WWOX: variants seen among roughly 807,000 people sequenced by gnomAD.
WWOX encodes the protein WW domain containing oxidoreductase, also known as WW domain-containing oxidoreductase.
WWOX carries 69 observed loss-of-function variants against 46.2 expected under a neutral mutation model. The observed-to-expected ratio is 1.49, with a 90% CI of 1.23 to 1.82. WWOX has a LOEUF of 1.82. Ranked by LOEUF, WWOX falls within the 40% of genes most tolerant of loss-of-function variation. The probability of loss-of-function intolerance (pLI) is 0.00; values close to 1 mark genes in which losing one functional copy is unlikely to be tolerated. For missense variants in WWOX, 919 were observed against 542.6 expected (o/e 1.69, Z -6.89); for synonymous variants, 359 against 202.6 (o/e 1.77, Z -6.56).
chr16:78,301,594 C>G (rs1170251415), intron 5 of WWOX, among the ~76,000 whole-genome samples: 1 of 152,036 alleles, frequency 6.6e-6, no homozygotes, highest in Non-Finnish European at 1.5e-5. Flanking sequence ...CTCTGTTTAT[C>G]TCTAACAGAA....
intron 8 of WWOX, among the ~76,000 whole-genome samples, chr16:78,561,866 T>A (rs1028880740): frequency 6.6e-6 from 1 of 152,176 alleles, no homozygotes; most frequent in Non-Finnish European, 1.5e-5. Flanking sequence ...TTGAAAATAG[T>A]TGGTCTCTTG....
chr16:78,478,962 G>T (rs1171782293), intron 8 of WWOX, among the ~76,000 whole-genome samples: 1 of 151,092 alleles, frequency 6.6e-6, no homozygotes, highest in Non-Finnish European at 1.5e-5. Context: ...CTTTGATTTT[G>T]TCATTCTGTA....
chr16:78,809,398 A>G (rs1332373347), intron 8 of WWOX, among the ~76,000 whole-genome samples: 1 of 151,466 alleles, frequency 6.6e-6, no homozygotes, highest in African/African-American at 2.4e-5. Flanking sequence ...ATTATATTTG[A>G]TATATTCTGC....
intron 5 of WWOX, among the ~76,000 whole-genome samples, chr16:78,273,631 G>A (rs146562528): frequency 3.3e-5 from 5 of 152,152 alleles, no homozygotes; most frequent in Admixed American, 1.3e-4. Context: ...ACCCAGGCAC[G>A]AAATGATGAG....
rs187016252 is a variant in WWOX at position 79,056,717 on chromosome 16, T to A, written c.1057-154891T>A. Among the ~76,000 whole-genome samples, 130 of 152,368 alleles carry A rather than the reference T, an allele frequency of 8.5e-4. 1 individual carries two copies. The highest frequency in any genetic ancestry group is 5.6e-3 in the Admixed American group (86 of 15,310). ...TAAGGGTCATGTCTCTTGGCTGGGA[T>A]AAGTCTTCTCTACCGTATCCCTTTA... On this transcript the variant is annotated intron_variant, in intron 8 of 8. Coordinates refer to ENST00000566780, the MANE Select transcript of WWOX (RefSeq NM_016373.4).
intron 8 of WWOX, among the ~76,000 whole-genome samples, chr16:78,665,902 C>G (rs758612230): frequency 2.0e-5 from 3 of 151,962 alleles, no homozygotes; most frequent in Non-Finnish European, 4.4e-5. Context: ...CCAGGCTGGT[C>G]TTGAACTCCT....
intron 4 of WWOX, among the ~76,000 whole-genome samples, chr16:78,149,464 G>A (rs1430176522): frequency 4.6e-5 from 7 of 152,316 alleles, no homozygotes; most frequent in Admixed American, 6.5e-5. Context: ...TCAAGTAAAA[G>A]AGAAGAACAT....
intron 8 of WWOX, among the ~76,000 whole-genome samples, chr16:79,191,816 G>A (rs1393570150): frequency 1.3e-5 from 2 of 152,090 alleles, no homozygotes; most frequent in African/African-American, 4.8e-5. Flanking sequence ...AAATCATAGC[G>A]TCTAGGGGAT....
intron 8 of WWOX, among the ~76,000 whole-genome samples, chr16:78,582,522 G>T (rs2151590581): frequency 6.6e-6 from 1 of 152,260 alleles, no homozygotes; most frequent in African/African-American, 2.4e-5. Flanking sequence ...AAATTCGGAT[G>T]CATTTTGCAC....
chr16:79,209,891 CA>C (rs2150859526), intron 8 of WWOX, among the ~76,000 whole-genome samples: 1 of 152,294 alleles, frequency 6.6e-6, no homozygotes, highest in Admixed American at 6.5e-5. Flanking sequence ...ATTTGGATGA[CA>C]TGAACTCATT....
chr16:78,519,598 C>G (rs116531908), intron 8 of WWOX, among the ~76,000 whole-genome samples: 3 of 151,918 alleles, frequency 2.0e-5, no homozygotes, highest in Admixed American at 6.6e-5. Context: ...AGGTTAAAAT[C>G]CTAATCCTCA....
intron 8 of WWOX, among the ~76,000 whole-genome samples, chr16:78,767,483 TG>T (rs1250857478): frequency 6.1e-5 from 1 of 16,468 alleles, no homozygotes; most frequent in Non-Finnish European, 1.9e-4. Context: ...TGTGTGTGTC[TG>T]TGTGTGTGTG....
chr16:78,646,423 T>G (rs2046845119), intron 8 of WWOX, among the ~76,000 whole-genome samples: 1 of 152,044 alleles, frequency 6.6e-6, no homozygotes. Flanking sequence ...TCAACGCAAT[T>G]TATATATTTT....
intron 8 of WWOX, among the ~76,000 whole-genome samples, chr16:78,437,550 G>T (rs1040614427): frequency 6.6e-6 from 1 of 151,892 alleles, no homozygotes; most frequent in Non-Finnish European, 1.5e-5. Flanking sequence ...GGCCCCTACT[G>T]GTAAAGCCAT....
chr16:78,993,808 G>C (rs1050253723), intron 8 of WWOX, among the ~76,000 whole-genome samples: 1 of 152,316 alleles, frequency 6.6e-6, no homozygotes, highest in East Asian at 1.9e-4. Flanking sequence ...AGCTTGGATG[G>C]CATCGGAACC....
At chr16:78,840,340 G>T (rs1462264897) in intron 8 of WWOX, among the ~76,000 whole-genome samples, 1 of 152,144 alleles carries the variant, frequency 6.6e-6, no homozygotes, top group African/African-American at 2.4e-5. Flanking sequence ...TGTGAATTCA[G>T]GGAGAGGAGG....
chr16:78,795,473 A>G (rs928738198), intron 8 of WWOX, among the ~76,000 whole-genome samples: 1 of 150,514 alleles, frequency 6.6e-6, no homozygotes, highest in African/African-American at 2.4e-5. Flanking sequence ...CTCCATCTAG[A>G]TGGAGTGCTC....
In WWOX at chr16:78,432,719, G is replaced by A; in HGVS notation, c.1023G>A (p.Leu341=). 1 of 1,614,182 alleles carries A rather than the reference G, an allele frequency of 6.2e-7. No individual in the cohort carries two copies. The highest frequency in any genetic ancestry group is 8.5e-7 in the Non-Finnish European group (1 of 1,180,040). ...IHRSWWVYTL[L]FTLARPFTKS... is the part of the protein sequence containing the mutation. The stretch of plus-strand genomic sequence containing the variant: ...GCAGCTGGTGGGTGTACACACTGCT[G>A]TTTACCTTGGCGAGGCCTTTCACCA... The change falls in exon 8 of 9, where the codon CTG becomes CTA. Residue 341 remains leucine (L), a synonymous_variant. Coordinates refer to ENST00000566780, the MANE Select transcript of WWOX (RefSeq NM_016373.4).
intron 8 of WWOX, among the ~76,000 whole-genome samples, chr16:78,594,495 C>T (rs960231024): frequency 1.4e-4 from 19 of 139,966 alleles, no homozygotes; most frequent in African/African-American, 4.7e-4. Flanking sequence ...TGGCACACAG[C>T]TTCCTCTGAC....
Sources: allele counts gnomAD v4.1 joint callset (sites outside exome capture counted in the v4.1 genomes callset), GRCh38; gene constraint gnomAD v4.1.1; transcripts MANE v1.5; gene names NCBI Gene and HGNC (gene_info 2026-07-23, HGNC 2026-07-21).